The following HIRA variants were observed in gnomAD, a reference collection of about 807,000 sequenced individuals.
HIRA encodes protein HIRA.
In HIRA, 13 loss-of-function variants were observed where a neutral mutation model predicts 126.6. That is an observed-to-expected ratio of 0.10 (90% CI 0.07 to 0.16). The LOEUF is 0.16. Ranked by LOEUF, HIRA falls within the 10% of genes least tolerant of loss-of-function variation. HIRA has a pLI of 1.00. For missense variants in HIRA, 834 were observed against 1,314.4 expected (o/e 0.63, Z 5.65); for synonymous variants, 511 against 520.0 (o/e 0.98, Z 0.24).
At chr22:19,365,848 T>C (rs879659343) in intron 15 of HIRA, 2 of 152,022 alleles carry the variant, frequency 1.3e-5, no homozygotes, top group Admixed American at 6.5e-5. Flanking sequence ...GCTATGCCAA[T>C]TGGGTGTCCA....
chr22:19,361,433 G>A, intron 16 of HIRA, 92 bp from the exon 17 acceptor site: 1 of 1,069,320 alleles, frequency 9.4e-7, no homozygotes, highest in Non-Finnish European at 1.4e-6. Context: ...GGCTGAGCCT[G>A]CGACCAGAGC....
rs1481913865 is a variant in HIRA at position 19,351,138 on chromosome 22, G to A, written c.2937+220C>T. 7.1e-6 allele frequency: 7 copies of A among 985,222 alleles called. No individual in the cohort carries two copies. Among genetic ancestry groups the A allele is most frequent in the African/African-American group, 1.7e-5 (1 of 57,212 alleles). The allele number at this position is 985,222 out of a possible 1,614,324, so 61.0% of individuals were successfully genotyped here. On this transcript the variant is annotated intron_variant, in intron 24 of 24. Coordinates refer to ENST00000263208, the MANE Select transcript of HIRA (RefSeq NM_003325.4). The surrounding 1 kb of genome is among the most constrained non-coding windows in gnomAD (Gnocchi z 4.8). ...AGGCAGCCTCCCTCAGCACAGGCACGTGGCGGAGCACTCCGTGGCTCCTGA... is the reference window on the plus strand; with the variant it reads ...AGGCAGCCTCCCTCAGCACAGGCACATGGCGGAGCACTCCGTGGCTCCTGA...
In HIRA at chr22:19,407,210, T is replaced by C. The variant is rs761026064; in HGVS notation, c.276A>G (p.Lys92=). The part of the protein sequence containing the change: ...GMYLASGGDD[K]LIMVWKRATY... The stretch of plus-strand genomic sequence containing the variant: ...TAGCCCGCTTCCACACCATAATCAG[T>C]TTGTCATCTCCCCCAGAAGCTAAAT... The change falls in exon 4 of 25, where the codon AAA becomes AAG. Residue 92 remains lysine (K), a synonymous_variant. Transcript: ENST00000263208. 7 of 1,613,908 alleles carry C rather than the reference T, an allele frequency of 4.3e-6. No homozygotes were observed. The South Asian group carries it at 6.6e-5, about 15-fold the overall frequency.
At chr22:19,394,288 T>C (rs2089205882) in intron 8 of HIRA, 54 bp downstream of exon 8, 4 of 1,577,574 alleles carry the variant, frequency 2.5e-6, no homozygotes, top group Non-Finnish European at 3.5e-6. Flanking sequence ...AAACCAAGAA[T>C]TAATATTTGC....
intron 20 of HIRA, 121 bp downstream of exon 20, chr22:19,356,109 C>T (rs1335559493): frequency 1.1e-6 from 1 of 933,414 alleles, no homozygotes; most frequent in Non-Finnish European, 1.7e-6. Flanking sequence ...ACCACACCTC[C>T]TGCCTCACTG....
In HIRA at chr22:19,357,027, T is replaced by C. The variant is rs201374428; in HGVS notation, c.2259A>G (p.Glu753=). ...TGGAGAACACTGACAGCATCCTTTTTTCACAGGCGACACACACCACGTCAC... is the reference window on the plus strand; with the variant it reads ...TGGAGAACACTGACAGCATCCTTTTCTCACAGGCGACACACACCACGTCAC... ...GSCDVVCVAC[E]KRMLSVFSTC... Residue 753 remains glutamate, a synonymous_variant, in exon 19 of 25, where the codon GAA becomes GAG. Transcript: ENST00000263208. 2 of 1,614,058 alleles carry C rather than the reference T, an allele frequency of 1.2e-6. No individual in the cohort carries two copies. The highest frequency in any genetic ancestry group is 8.5e-7 in the Non-Finnish European group (1 of 1,180,008).
chr22:19,353,240 G>A, intron 23 of HIRA, 116 bp downstream of exon 23: 1 of 1,270,310 alleles, frequency 7.9e-7, no homozygotes, highest in African/African-American at 1.5e-5. Context: ...CTCAGGCTGG[G>A]AGGTAGAGGC....
intron 1 of HIRA, among the ~76,000 whole-genome samples, chr22:19,412,818 GTC>G (rs2089364814): frequency 6.6e-6 from 1 of 152,148 alleles, no homozygotes; most frequent in Non-Finnish European, 1.5e-5. Flanking sequence ...TTCTCACTCA[GTC>G]TCTGTTTGCA....
At chr22:19,334,386 C>A (rs1367629418) in intron 24 of HIRA, among the ~76,000 whole-genome samples, 2 of 151,202 alleles carry the variant, frequency 1.3e-5, no homozygotes, top group East Asian at 2.0e-4. Context: ...CACAGTGGCT[C>A]ATGCCTGTAA....
chr22:19,419,428 C>T (rs1482939748), intron 1 of HIRA, among the ~76,000 whole-genome samples: 1 of 152,172 alleles, frequency 6.6e-6, no homozygotes, highest in Non-Finnish European at 1.5e-5. Flanking sequence ...TCTTCCTTGC[C>T]TCCTTCAGGT....
chr22:19,359,668 A>G (rs2088846227), intron 17 of HIRA, among the ~76,000 whole-genome samples, 184 bp from the exon 18 acceptor site: 1 of 152,150 alleles, frequency 6.6e-6, no homozygotes, highest in South Asian at 2.1e-4. Context: ...AGGGCCAGAC[A>G]TGTGGCCCCC....
intron 1 of HIRA, among the ~76,000 whole-genome samples, chr22:19,417,187 G>A (rs1217994466): frequency 4.0e-5 from 6 of 151,664 alleles, no homozygotes. Context: ...GCGACAGTGT[G>A]AGACTCTGTC....
At chr22:19,366,228 G>A (rs573630130) in intron 15 of HIRA, among the ~76,000 whole-genome samples, 1 of 151,830 alleles carries the variant, frequency 6.6e-6, no homozygotes, top group South Asian at 2.1e-4. Flanking sequence ...CAGGTGTGGT[G>A]GGGGGCGCCT....
intron 1 of HIRA, among the ~76,000 whole-genome samples, chr22:19,430,769 T>C (rs371024858): frequency 1.3e-5 from 2 of 152,276 alleles, no homozygotes; most frequent in East Asian, 3.9e-4. Flanking sequence ...AGTCAAGATA[T>C]GGGGTGGATG....
rs1569303771 is a variant in HIRA at position 19,388,535 on chromosome 22, G to A, written c.956C>T (p.Pro319Leu). ...AAACAGTTCATGGATGACCACCAGC[G>A]GCCGTTTCAGACATGTGAGCTGGAA... The part of the protein sequence containing the change: ...LSVWLTCLKR[P>L]LVVIHELFDK... The change falls in exon 10 of 25, where the codon CCG (proline) becomes CTG (leucine). Residue 319 changes from proline to leucine, a missense_variant. This residue lies in a region of HIRA where 153 missense variants were observed against 270.6 expected (regional missense o/e 0.57). Transcript: ENST00000263208. The A allele has an allele frequency of 6.2e-7, 1 of 1,613,442 alleles. No individual in the cohort carries two copies. The highest frequency in any genetic ancestry group is 8.5e-7 in the Non-Finnish European group (1 of 1,179,386).
chr22:19,341,393 G>A (rs1297380352), intron 24 of HIRA, among the ~76,000 whole-genome samples: 1 of 148,554 alleles, frequency 6.7e-6, no homozygotes, highest in Admixed American at 6.8e-5. Flanking sequence ...AGTTTGCCAT[G>A]AGCCGAGATT....
chr22:19,343,800 G>A (rs2088657307), intron 24 of HIRA, among the ~76,000 whole-genome samples: 2 of 151,278 alleles, frequency 1.3e-5, no homozygotes. Context: ...GGTGGTGCAC[G>A]CCTGTAATCC....
Position 19,398,038 on chromosome 22 carries a change from G to A in HIRA, c.447C>T (p.Cys149=). The part of the protein sequence containing the change: ...WSPHDAWLAS[C]SVDNTVVIWN... ...AGATGACGACAGTGTTATCCACGCTGCATGAGGCTAGCCAGGCATCGTGGG... is the reference window on the plus strand; with the variant it reads ...AGATGACGACAGTGTTATCCACGCTACATGAGGCTAGCCAGGCATCGTGGG... The change falls in exon 6 of 25, where the codon TGC becomes TGT. Residue 149 remains cysteine (C), a synonymous_variant. Coordinates refer to ENST00000263208, the MANE Select transcript of HIRA (RefSeq NM_003325.4). 1 of 1,614,060 alleles carries A rather than the reference G, an allele frequency of 6.2e-7. No homozygotes were observed. Among genetic ancestry groups the A allele is most frequent in the Non-Finnish European group, 8.5e-7 (1 of 1,179,996 alleles).
chr22:19,380,852 G>A (rs951838370), intron 13 of HIRA, among the ~76,000 whole-genome samples: 1 of 152,192 alleles, frequency 6.6e-6, no homozygotes, highest in Admixed American at 6.5e-5. Context: ...TCAAACTCGT[G>A]ACCTCAGGTG....
Sources: allele counts gnomAD v4.1 joint callset (sites outside exome capture counted in the v4.1 genomes callset), GRCh38; gene constraint gnomAD v4.1.1; regional missense constraint gnomAD v4.1.1; non-coding constraint Gnocchi (gnomAD v3.1); transcripts MANE v1.5; gene names NCBI Gene and HGNC (gene_info 2026-07-23, HGNC 2026-07-21).